Variants in MYOM3 observed in about 807,000 individuals in gnomAD.
The protein encoded by MYOM3 is myomesin 3.
Under a neutral mutation model 191.7 loss-of-function variants are expected in MYOM3, and 155 were observed. The observed-to-expected ratio is 0.81, with a 90% CI of 0.71 to 0.92. MYOM3 has a LOEUF of 0.92. MYOM3 is among the 40% of genes least tolerant of loss of function. The pLI, the probability that MYOM3 is intolerant of heterozygous loss-of-function variation, is 0.00. For synonymous variants in MYOM3, 757 were observed against 762.9 expected, an observed-to-expected ratio of 0.99 and a Z score of 0.13; for missense variants, 1,889 against 1,890.6, an observed-to-expected ratio of 1.00 and a Z score of 0.02.
At position 24,090,126 on chromosome 1, in the gene MYOM3, G is replaced by A; in HGVS notation, c.1433-8C>T. ...CCAGATCAAAGGGGATCTCTAGGAT[G>A]AGAAGGGAGCATGGGAGGGTGGGGG... On this transcript the variant is annotated splice_region_variant and splice_polypyrimidine_tract_variant and intron_variant, in intron 12 of 36. Transcript: ENST00000374434. The A allele has an allele frequency of 1.9e-6, 3 of 1,611,028 alleles. No individual in the cohort carries two copies. The highest frequency in any genetic ancestry group is 2.5e-6 in the Non-Finnish European group (3 of 1,177,250).
At chr1:24,103,041 C>T (rs754130489) in intron 5 of MYOM3, among the ~76,000 whole-genome samples, 2 of 152,242 alleles carry the variant, frequency 1.3e-5, no homozygotes, top group Non-Finnish European at 1.5e-5. Flanking sequence ...GTTGCCCAGG[C>T]TGGAGGTGGA....
chr1:24,099,629 C>T (rs1261757864), intron 6 of MYOM3, 51 bp downstream of exon 6: 5 of 1,435,064 alleles, frequency 3.5e-6, no homozygotes, highest in South Asian at 3.4e-5. Context: ...GCTCTGGCCT[C>T]GGCGGTGGCA....
chr1:24,086,624 C>T lies in MYOM3; in HGVS notation c.1798+20G>A, dbSNP rs1458401819. 2 of 1,609,296 alleles carry T rather than the reference C, an allele frequency of 1.2e-6. No individual in the cohort carries two copies. The highest frequency in any genetic ancestry group is 1.7e-6 in the Non-Finnish European group (2 of 1,177,328). On this transcript the variant is annotated intron_variant, in intron 15 of 36. Transcript: ENST00000374434. ...TGGCCTGGCCTGCCTCCTCCCCGAC[C>T]CCCGGCATCAGGAGGGTACCTGGCG...
Position 24,074,659 on chromosome 1 carries a change from C to T in MYOM3, c.2859-390G>A, listed in dbSNP as rs74061460. Among the ~76,000 whole-genome samples the T allele has an allele frequency of 2.4e-3, 361 of 152,316 alleles. 4 individuals carry two copies. Among genetic ancestry groups the T allele is most frequent in the African/African-American group, 8.1e-3 (335 of 41,564 alleles). ...AACTCTGCATACTATAGATGAAGAA[C>T]CTGAGTACAGAGAACTTGCAAGAGC... is the stretch of plus-strand genomic sequence containing the variant. On this transcript the variant is annotated intron_variant, in intron 22 of 36. Coordinates refer to ENST00000374434, the MANE Select transcript of MYOM3 (RefSeq NM_152372.4).
In MYOM3 at chr1:24,067,089, C is replaced by G. The variant is rs1643446181; in HGVS notation, c.3356-1G>C. 1.3e-6 allele frequency: 2 copies of G among 1,571,230 alleles called. No individual in the cohort carries two copies. The highest frequency in any genetic ancestry group is 1.4e-5 in the African/African-American group (1 of 73,984). On this transcript the variant is annotated splice_acceptor_variant, in intron 27 of 36. Coordinates refer to ENST00000374434, the MANE Select transcript of MYOM3 (RefSeq NM_152372.4). LOFTEE classifies it high-confidence loss of function. ...TGCAACGGCCGCTCAAAATAGGGAC[C>G]TGTGCGTGCAAAACAAATGTGCCCA...
chr1:24,076,356 C>G, intron 20 of MYOM3, 83 bp from the exon 21 acceptor site: 2 of 974,814 alleles, frequency 2.1e-6, no homozygotes, highest in South Asian at 2.6e-5. Flanking sequence ...GGGAGCCACT[C>G]TCAATAAGAA....
At position 24,087,223 on chromosome 1, in the gene MYOM3, T is replaced by G. The variant is rs1349718851; in HGVS notation, c.1615-396A>C. Among the ~76,000 whole-genome samples the G allele has an allele frequency of 6.6e-6, 1 of 152,094 alleles. No individual in the cohort carries two copies. ...TACCCAGAAACCAGCCATGCCTTAT[T>G]GTCCTCATGCTCCCCACCATAACCT... On this transcript the variant is annotated intron_variant, in intron 14 of 36. Coordinates refer to ENST00000374434, the MANE Select transcript of MYOM3 (RefSeq NM_152372.4). This position sits in a 1 kb window ranked among gnomAD's most constrained non-coding sequence, Gnocchi z 4.5.
intron 21 of MYOM3, 134 bp from the exon 22 acceptor site, chr1:24,075,609 A>G (rs1015573813): frequency 1.1e-6 from 1 of 899,482 alleles, no homozygotes; most frequent in African/African-American, 1.7e-5. Flanking sequence ...GTGGCTGCCA[A>G]GGCCTTGCAG....
chr1:24,066,924 T>G, intron 28 of MYOM3, 97 bp downstream of exon 28: 2 of 1,160,232 alleles, frequency 1.7e-6, no homozygotes, highest in African/African-American at 1.6e-5. Context: ...GAGTATGGAA[T>G]TTAGGGGGCC....
chr1:24,105,417 G>C (rs1237872292), intron 5 of MYOM3, among the ~76,000 whole-genome samples: 1 of 152,188 alleles, frequency 6.6e-6, no homozygotes, highest in Non-Finnish European at 1.5e-5. Context: ...TCTTCTCCCT[G>C]CCCCACCCAC....
At chr1:24,094,374 G>T (rs1643867626) in intron 9 of MYOM3, among the ~76,000 whole-genome samples, 1 of 152,016 alleles carries the variant, frequency 6.6e-6, no homozygotes, top group Non-Finnish European at 1.5e-5. Flanking sequence ...GTTTTGCCAT[G>T]TTGGCTAGAC....
Position 24,092,321 on chromosome 1 carries a change from A to AC in MYOM3, c.1091-7dup, listed in dbSNP as rs749832459. The AC allele has an allele frequency of 1.5e-6, 2 of 1,347,148 alleles. No individual in the cohort carries two copies. The highest frequency in any genetic ancestry group is 1.5e-5 in the African/African-American group (1 of 66,368). The allele number at this position is 1,347,148 out of a possible 1,614,324, so 83.4% of individuals were successfully genotyped here. Reference sequence around the variant, plus strand: ...GGGGTTCTCGGCCTCGGCATCTGAAACCCGGGGGTGAGAGGGAGGCCCTTC... The same window carrying AC: ...GGGGTTCTCGGCCTCGGCATCTGAAACCCCGGGGGTGAGAGGGAGGCCCTTC... On this transcript the variant is annotated splice_polypyrimidine_tract_variant and splice_region_variant and intron_variant, in intron 10 of 36. Coordinates refer to ENST00000374434, the MANE Select transcript of MYOM3 (RefSeq NM_152372.4).
rs1643529186 is a variant in MYOM3 at position 24,071,252 on chromosome 1, C to T, written c.3015G>A (p.Val1005=). The stretch of plus-strand genomic sequence containing the variant: ...TGTTCCAGCCGGAGATCAGTTTGAT[C>T]ACTGGGAGGCGCAGGACGGGAAGGG... ...KKLSHEIRNP[V]IKLISGWNID... Residue 1005 remains valine (V), a splice_region_variant and synonymous_variant, in exon 25 of 37, where the codon GTG becomes GTA. Coordinates refer to ENST00000374434, the MANE Select transcript of MYOM3 (RefSeq NM_152372.4). The T allele has an allele frequency of 6.2e-7, 1 of 1,611,722 alleles. No individual in the cohort carries two copies. The highest frequency in any genetic ancestry group is 2.2e-5 in the East Asian group (1 of 44,800).
chr1:24,109,311 T>C (rs1644020292), intron 1 of MYOM3, among the ~76,000 whole-genome samples: 1 of 152,236 alleles, frequency 6.6e-6, no homozygotes, highest in South Asian at 2.1e-4. Flanking sequence ...CTCATGACTT[T>C]GTTTCCTCAT....
Position 24,068,368 on chromosome 1 carries a change from C to A in MYOM3, c.3151-1G>T. On this transcript the variant is annotated splice_acceptor_variant, in intron 25 of 36. Coordinates refer to ENST00000374434, the MANE Select transcript of MYOM3 (RefSeq NM_152372.4). LOFTEE classifies it high-confidence loss of function. ...CTCGGTCAAAATTGATTTTGCGGTTCTGAAAAGGACAAACTCCAGAGTCCT... is the reference window on the plus strand; with the variant it reads ...CTCGGTCAAAATTGATTTTGCGGTTATGAAAAGGACAAACTCCAGAGTCCT... The A allele has an allele frequency of 6.2e-7, 1 of 1,614,138 alleles. No individual in the cohort carries two copies. Among genetic ancestry groups the A allele is most frequent in the Non-Finnish European group, 8.5e-7 (1 of 1,180,000 alleles).
chr1:24,064,251 CCT>C, intron 29 of MYOM3, 92 bp from the exon 30 acceptor site: 2 of 926,002 alleles, frequency 2.2e-6, no homozygotes, highest in Non-Finnish European at 3.4e-6. Context: ...CAGGCCTGCC[CCT>C]CACTCTCTGT....
chr1:24,094,500 T>C (rs1037918358), intron 9 of MYOM3, among the ~76,000 whole-genome samples: 2 of 152,102 alleles, frequency 1.3e-5, no homozygotes, highest in African/African-American at 4.8e-5. Context: ...TAATGATGCA[T>C]GCAAATGGCT....
chr1:24,084,299 C>T, intron 16 of MYOM3, 169 bp downstream of exon 16: 1 of 680,770 alleles, frequency 1.5e-6, no homozygotes, highest in Admixed American at 2.8e-5. Context: ...TCCCCCTCGC[C>T]TTCCGCCATA....
At chr1:24,101,426 T>C (rs1021453525) in intron 5 of MYOM3, among the ~76,000 whole-genome samples, 4 of 152,236 alleles carry the variant, frequency 2.6e-5, no homozygotes, top group Non-Finnish European at 5.9e-5. Context: ...ATCAGTATAT[T>C]GATACCCTGG....
Sources: allele counts gnomAD v4.1 joint callset (sites outside exome capture counted in the v4.1 genomes callset), GRCh38; gene constraint gnomAD v4.1.1; non-coding constraint Gnocchi (gnomAD v3.1); transcripts MANE v1.5; gene names NCBI Gene and HGNC (gene_info 2026-07-23, HGNC 2026-07-21).